Variants in PCDH15 observed in about 807,000 individuals in gnomAD.
The protein encoded by PCDH15 is protocadherin-15.
PCDH15 carries 129 observed loss-of-function variants against 178.5 expected under a neutral mutation model. The ratio of observed to expected loss-of-function variants is 0.72; its 90% CI spans 0.63 to 0.84. The LOEUF (loss-of-function observed/expected upper bound fraction) is 0.84, where lower values mean the gene tolerates loss of function less well. Among genes scored for constraint, PCDH15 ranks in the 40% least tolerant of loss-of-function variants. The pLI, the probability that PCDH15 is intolerant of heterozygous loss-of-function variation, is 0.00. For synonymous variants in PCDH15, 800 were observed against 732.0 expected (o/e 1.09, Z -1.50); for missense variants, 2,230 against 2,099.9 (o/e 1.06, Z -1.21).
chr10:55,492,928 A>T (rs1359413635), intron 2 of PCDH15, among the ~76,000 whole-genome samples: 2 of 151,818 alleles, frequency 1.3e-5, no homozygotes, highest in African/African-American at 4.8e-5. Flanking sequence ...AACTAAATGA[A>T]AAATTCACTA....
chr10:55,328,804 C>T (rs1268663765), intron 2 of PCDH15, among the ~76,000 whole-genome samples: 2 of 150,216 alleles, frequency 1.3e-5, no homozygotes, highest in Non-Finnish European at 3.0e-5. Context: ...GGGGGATGTG[C>T]ATAGATTATA....
At chr10:54,619,004 G>A (rs1218331659) in intron 2 of PCDH15, 1 of 151,958 alleles carries the variant, frequency 6.6e-6, no homozygotes, top group Admixed American at 6.6e-5. Flanking sequence ...TAAAATTTCA[G>A]TTCATGATGT....
At chr10:54,811,564 T>G (rs7083611) in intron 3 of PCDH15, among the ~76,000 whole-genome samples, 151,678 of 152,262 alleles carry the variant, frequency 1, 75,552 homozygotes, top group Middle Eastern at 1. Context: ...TCTGCCTCCC[T>G]AGTACAAGCG....
At chr10:54,806,891 C>T (rs1024984361) in intron 3 of PCDH15, among the ~76,000 whole-genome samples, 16 of 152,280 alleles carry the variant, frequency 1.1e-4, no homozygotes, top group Admixed American at 2.0e-4. Context: ...CAGTTTAAAA[C>T]ATGGCTGATT....
intron 13 of PCDH15, among the ~76,000 whole-genome samples, chr10:54,165,001 A>G (rs577520180): frequency 6.6e-6 from 1 of 152,184 alleles, no homozygotes; most frequent in Non-Finnish European, 1.5e-5. Flanking sequence ...TTCACTATTC[A>G]GTGTGATTTC....
rs1338755481 is a variant in PCDH15, at chr10:53,940,943, C to T, written c.3155G>A (p.Gly1052Glu). The T allele has an allele frequency of 6.2e-7, 1 of 1,613,426 alleles. No homozygotes were observed. The highest frequency in any genetic ancestry group is 8.5e-7 in the Non-Finnish European group (1 of 1,179,524). ...PPPVSELATK[G>E]TMVGVISAAA... is the part of the protein sequence containing the mutation. ...AGCAGAAATTACACCAACCATGGTC[C>T]CTTTGGTGGCAAGTTCACTTACTGG... Residue 1052 changes from glycine to glutamate, a missense_variant, in exon 24 of 38, where the codon GGG (glycine) becomes GAG (glutamate). Physicochemically the swap from Gly to Glu is moderately conservative, Grantham distance 98. Transcript: ENST00000644397.
intron 3 of PCDH15, among the ~76,000 whole-genome samples, chr10:54,519,764 A>G (rs2082647655): frequency 6.6e-6 from 1 of 152,180 alleles, no homozygotes; most frequent in Admixed American, 6.5e-5. Context: ...AGTCAATCCT[A>G]AGCCAAAACA....
At chr10:54,872,852 C>T (rs1954063815) in intron 3 of PCDH15, among the ~76,000 whole-genome samples, 2 of 151,984 alleles carry the variant, frequency 1.3e-5, no homozygotes, top group Non-Finnish European at 2.9e-5. Context: ...TTTGACATCT[C>T]ATTTCAAAAA....
chr10:53,871,762 T>G (rs1459237804), intron 26 of PCDH15, among the ~76,000 whole-genome samples: 1 of 150,916 alleles, frequency 6.6e-6, no homozygotes, highest in Non-Finnish European at 1.5e-5. Flanking sequence ...TTTGTTTTGT[T>G]TTGTTTTTGA....
intron 2 of PCDH15, among the ~76,000 whole-genome samples, chr10:55,010,333 G>A (rs1220047653): frequency 6.6e-6 from 1 of 152,114 alleles, no homozygotes; most frequent in Non-Finnish European, 1.5e-5. Context: ...GCTAACATAA[G>A]CAGCAAAGAC....
At chr10:55,515,871 C>T (rs952454396) in intron 2 of PCDH15, among the ~76,000 whole-genome samples, 1 of 152,132 alleles carries the variant, frequency 6.6e-6, no homozygotes, top group African/African-American at 2.4e-5. Context: ...GTGCATCTTC[C>T]TTTCAAAAAG....
intron 15 of PCDH15, among the ~76,000 whole-genome samples, chr10:54,098,379 A>C (rs150030343): frequency 6.4e-4 from 98 of 152,258 alleles, no homozygotes; most frequent in African/African-American, 2.3e-3. Flanking sequence ...ACCTTCATGA[A>C]TATTGGACAT....
At chr10:55,569,487 A>G (rs887097937) in intron 2 of PCDH15, among the ~76,000 whole-genome samples, 3 of 152,040 alleles carry the variant, frequency 2.0e-5, no homozygotes, top group African/African-American at 7.2e-5. Flanking sequence ...TACTCAAAAA[A>G]TAAATTTTAA....
At chr10:55,305,440 T>C (rs1214439349) in intron 1 of PCDH15, among the ~76,000 whole-genome samples, 5 of 152,208 alleles carry the variant, frequency 3.3e-5, no homozygotes, top group East Asian at 1.9e-4. Flanking sequence ...CAGAGTGGCA[T>C]TGTCCTCATA....
At chr10:54,095,443 T>C (rs2094684150) in intron 15 of PCDH15, among the ~76,000 whole-genome samples, 1 of 151,848 alleles carries the variant, frequency 6.6e-6, no homozygotes, top group African/African-American at 2.4e-5. Flanking sequence ...TAATATTATA[T>C]AGAATATACA....
chr10:54,497,244 A>G (rs1369634130), intron 3 of PCDH15, among the ~76,000 whole-genome samples: 1 of 93,168 alleles, frequency 1.1e-5, no homozygotes, highest in Non-Finnish European at 2.1e-5. Flanking sequence ...GTACCACAGG[A>G]AAAAAAAAAA....
intron 2 of PCDH15, among the ~76,000 whole-genome samples, chr10:54,903,628 A>T (rs1954675473): frequency 6.6e-6 from 1 of 152,098 alleles, no homozygotes; most frequent in South Asian, 2.1e-4. Flanking sequence ...GTATAATTAA[A>T]CTGTAATCCA....
intron 8 of PCDH15, among the ~76,000 whole-genome samples, chr10:54,275,944 T>G (rs1287661847): frequency 6.6e-6 from 1 of 151,770 alleles, no homozygotes; most frequent in Non-Finnish European, 1.5e-5. Flanking sequence ...ATTAATTATT[T>G]ATGTGGAAAA....
At chr10:55,588,973 C>T (rs547495948) in intron 2 of PCDH15, among the ~76,000 whole-genome samples, 48 of 149,054 alleles carry the variant, frequency 3.2e-4, no homozygotes, top group African/African-American at 1.2e-3. Flanking sequence ...CCCAGCTACT[C>T]GGGAGGCTGA....
Sources: allele counts gnomAD v4.1 joint callset (sites outside exome capture counted in the v4.1 genomes callset), GRCh38; gene constraint gnomAD v4.1.1; transcripts MANE v1.5; gene names NCBI Gene and HGNC (gene_info 2026-07-23, HGNC 2026-07-21).